The following FHIT variants were observed in gnomAD, a reference collection of about 807,000 sequenced individuals.
FHIT encodes fragile histidine triad diadenosine triphosphatase.
A neutral mutation model predicts 17.9 loss-of-function variants in FHIT; 19 were observed. That is an observed-to-expected ratio of 1.06 (90% CI 0.74 to 1.56). The LOEUF (loss-of-function observed/expected upper bound fraction) is 1.56, where lower values mean the gene tolerates loss of function less well. Among genes scored for constraint, FHIT ranks in the 40% most tolerant of loss-of-function variants. FHIT has a pLI of 0.00. For missense variants in FHIT, 248 were observed against 189.2 expected (o/e 1.31, Z -1.82); for synonymous variants, 81 against 69.7 (o/e 1.16, Z -0.81).
intron 8 of FHIT, among the ~76,000 whole-genome samples, chr3:59,860,311 A>T (rs1370513453): frequency 6.6e-6 from 1 of 152,222 alleles, no homozygotes; most frequent in Non-Finnish European, 1.5e-5. Context: ...ACTTACAAAA[A>T]GAAAAAGAAG....
chr3:59,833,266 A>T (rs1002635952), intron 8 of FHIT, among the ~76,000 whole-genome samples: 1 of 152,152 alleles, frequency 6.6e-6, no homozygotes, highest in Non-Finnish European at 1.5e-5. Context: ...GGCATTGAGG[A>T]TGCAATTAGT....
At chr3:60,724,244 G>C (rs1345700608) in intron 4 of FHIT, among the ~76,000 whole-genome samples, 2 of 152,178 alleles carry the variant, frequency 1.3e-5, no homozygotes, top group Non-Finnish European at 2.9e-5. Flanking sequence ...GTGGTCTTTT[G>C]TGAGTGGCTT....
At chr3:60,501,685 T>A (rs1321411487) in intron 5 of FHIT, among the ~76,000 whole-genome samples, 1 of 152,180 alleles carries the variant, frequency 6.6e-6, no homozygotes, top group Non-Finnish European at 1.5e-5. Context: ...TGATGCTCGG[T>A]CCTTTAGAAA....
intron 2 of FHIT, among the ~76,000 whole-genome samples, chr3:61,170,009 C>T (rs1196318326): frequency 6.6e-6 from 1 of 152,080 alleles, no homozygotes; most frequent in African/African-American, 2.4e-5. Flanking sequence ...CGGTGACCAG[C>T]TATCACTTAA....
At chr3:60,641,107 G>C (rs2039713964) in intron 4 of FHIT, among the ~76,000 whole-genome samples, 1 of 152,120 alleles carries the variant, frequency 6.6e-6, no homozygotes, top group Admixed American at 6.5e-5. Context: ...TTGAAACTGG[G>C]AGGTGGAGGT....
chr3:60,221,646 T>G (rs1703965593), intron 5 of FHIT, among the ~76,000 whole-genome samples: 1 of 152,094 alleles, frequency 6.6e-6, no homozygotes, highest in East Asian at 1.9e-4. Context: ...TTACTAAACC[T>G]GAAACACGGC....
intron 7 of FHIT, among the ~76,000 whole-genome samples, chr3:60,004,347 T>C (rs1319719160): frequency 1.3e-5 from 2 of 152,160 alleles, no homozygotes; most frequent in Non-Finnish European, 2.9e-5. Context: ...AATATCCACT[T>C]TGCTATATGT....
chr3:60,389,845 T>C (rs1701152733), intron 5 of FHIT, among the ~76,000 whole-genome samples: 3 of 152,194 alleles, frequency 2.0e-5, no homozygotes, highest in Admixed American at 2.0e-4. Flanking sequence ...GTATCTTTCC[T>C]GCATCATATA....
At chr3:60,005,714 A>G (rs1283416151) in intron 7 of FHIT, among the ~76,000 whole-genome samples, 1 of 152,218 alleles carries the variant, frequency 6.6e-6, no homozygotes, top group African/African-American at 2.4e-5. Flanking sequence ...TGCATTAGGT[A>G]TTAACATAGT....
At chr3:60,805,166 A>T (rs554557595) in intron 4 of FHIT, among the ~76,000 whole-genome samples, 169 of 152,294 alleles carry the variant, frequency 1.1e-3, no homozygotes, top group African/African-American at 3.8e-3. Flanking sequence ...TTTGGCCCAA[A>T]TTAAGAGTTG....
intron 7 of FHIT, among the ~76,000 whole-genome samples, chr3:59,965,797 C>A (rs1002539787): frequency 6.6e-6 from 1 of 152,106 alleles, no homozygotes; most frequent in Non-Finnish European, 1.5e-5. Context: ...TATTTAAAAT[C>A]CTTTTATCAA....
At chr3:59,868,422 A>C (rs560633764) in intron 8 of FHIT, among the ~76,000 whole-genome samples, 26 of 152,372 alleles carry the variant, frequency 1.7e-4, no homozygotes, top group African/African-American at 5.3e-4. Context: ...ATTGCTACTT[A>C]TCAATGGACT....
At chr3:60,119,819 C>T (rs1705165263) in intron 5 of FHIT, among the ~76,000 whole-genome samples, 1 of 152,140 alleles carries the variant, frequency 6.6e-6, no homozygotes, top group Admixed American at 6.5e-5. Context: ...TACCACAGAG[C>T]TGTCACATTT....
intron 8 of FHIT, among the ~76,000 whole-genome samples, chr3:59,847,630 G>A (rs372197448): frequency 2.0e-5 from 3 of 152,094 alleles, no homozygotes; most frequent in East Asian, 3.9e-4. Context: ...TGCTTAATAC[G>A]TTCCTGTTGC....
chr3:60,149,381 G>A (rs1484718618), intron 5 of FHIT, among the ~76,000 whole-genome samples: 1 of 151,204 alleles, frequency 6.6e-6, no homozygotes, highest in Non-Finnish European at 1.5e-5. Flanking sequence ...GGACTGTATT[G>A]AAAACAAAAG....
At chr3:60,543,753 G>T (rs557681194) in intron 4 of FHIT, among the ~76,000 whole-genome samples, 1 of 151,528 alleles carries the variant, frequency 6.6e-6, no homozygotes, top group Non-Finnish European at 1.5e-5. Flanking sequence ...TTGTTGTTTT[G>T]TTTTGTTTTC....
chr3:61,215,625 A>C (rs2039649071), intron 1 of FHIT, among the ~76,000 whole-genome samples: 1 of 152,230 alleles, frequency 6.6e-6, no homozygotes, highest in Non-Finnish European at 1.5e-5. Context: ...GACTTTCTTC[A>C]CAGAATTGGA....
intron 5 of FHIT, among the ~76,000 whole-genome samples, chr3:60,133,183 G>A (rs1699669405): frequency 6.6e-6 from 1 of 152,084 alleles, no homozygotes; most frequent in Admixed American, 6.6e-5. Context: ...ATGGGCTGGT[G>A]CTGATGAAGG....
intron 8 of FHIT, among the ~76,000 whole-genome samples, chr3:59,866,173 G>C (rs978746059): frequency 1.3e-5 from 2 of 152,128 alleles, no homozygotes; most frequent in Non-Finnish European, 2.9e-5. Context: ...AGAGGACAGG[G>C]AAAGCCTGGC....
Sources: gnomAD v4.1 joint callset for allele counts (sites outside exome capture counted in the v4.1 genomes callset) on GRCh38, gnomAD v4.1.1 for gene constraint, MANE v1.5 for transcripts, NCBI Gene and HGNC (gene_info 2026-07-23, HGNC 2026-07-21) for gene names.